The following THSD4 variants were observed in gnomAD, a reference collection of about 807,000 sequenced individuals.
THSD4 encodes the protein thrombospondin type-1 domain-containing protein 4.
In THSD4, 69 loss-of-function variants were observed where a neutral mutation model predicts 119.0. The observed-to-expected ratio is 0.58, with a 90% CI of 0.48 to 0.71. The LOEUF (loss-of-function observed/expected upper bound fraction) is 0.71. Ranked by LOEUF, THSD4 falls within the 30% of genes least tolerant of loss-of-function variation. The probability of loss-of-function intolerance (pLI) is 0.00; values close to 1 mark genes in which losing one functional copy is unlikely to be tolerated. For synonymous variants in THSD4, 524 were observed against 540.4 expected, an observed-to-expected ratio of 0.97 and a Z score of 0.42; for missense variants, 1,393 against 1,391.1, an observed-to-expected ratio of 1.00 and a Z score of -0.02.
chr15:71,260,899 G>A (rs570042999), intron 6 of THSD4, among the ~76,000 whole-genome samples: 2 of 152,270 alleles, frequency 1.3e-5, no homozygotes, highest in South Asian at 4.2e-4. Context: ...TCGGGAGTTC[G>A]AGACCAGCCT....
At chr15:71,584,105 T>C (rs539002290) in intron 7 of THSD4, among the ~76,000 whole-genome samples, 305 of 152,210 alleles carry the variant, frequency 2.0e-3, no homozygotes, top group Non-Finnish European at 3.2e-3. Context: ...ATAATTATTA[T>C]ATTCTCTTGA....
At chr15:71,322,443 A>G (rs575227305) in intron 6 of THSD4, among the ~76,000 whole-genome samples, 3 of 152,308 alleles carry the variant, frequency 2.0e-5, no homozygotes, top group African/African-American at 7.2e-5. Flanking sequence ...AATTTTGTCT[A>G]TTTGGCCTGA....
At chr15:71,642,497 A>T (rs1229148875) in intron 7 of THSD4, among the ~76,000 whole-genome samples, 3 of 152,148 alleles carry the variant, frequency 2.0e-5, no homozygotes, top group Admixed American at 1.3e-4. Flanking sequence ...AGACACATGC[A>T]CACGTATGTT....
At chr15:71,547,995 G>C (rs1371379963) in intron 7 of THSD4, among the ~76,000 whole-genome samples, 1 of 151,958 alleles carries the variant, frequency 6.6e-6, no homozygotes, top group Non-Finnish European at 1.5e-5. Context: ...ATATACAACA[G>C]GGCTAGGAGT....
intron 7 of THSD4, among the ~76,000 whole-genome samples, chr15:71,512,781 C>G (rs959177606): frequency 6.6e-6 from 1 of 151,994 alleles, no homozygotes; most frequent in Non-Finnish European, 1.5e-5. Context: ...AGTATCCCAG[C>G]AGGACAGAGC....
At chr15:71,737,671 T>A (rs1247427420) in intron 10 of THSD4, 61 bp from the exon 11 acceptor site, 1 of 1,509,710 alleles carries the variant, frequency 6.6e-7, no homozygotes, top group Non-Finnish European at 8.9e-7. Flanking sequence ...AGCAATTTCC[T>A]CTTTACAACT....
chr15:71,323,099 A>G (rs1035627040), intron 6 of THSD4, among the ~76,000 whole-genome samples: 5 of 147,848 alleles, frequency 3.4e-5, no homozygotes, highest in Non-Finnish European at 6.0e-5. Context: ...CCTGTCTTAA[A>G]AAAAAAAAAA....
intron 5 of THSD4, among the ~76,000 whole-genome samples, chr15:71,247,249 G>C (rs1411354359): frequency 1.3e-5 from 2 of 151,844 alleles, no homozygotes; most frequent in Non-Finnish European, 2.9e-5. Context: ...TTGAGACAGA[G>C]TCTCGCTCTG....
intron 8 of THSD4, among the ~76,000 whole-genome samples, chr15:71,702,794 C>G (rs888082862): frequency 5.9e-5 from 9 of 152,188 alleles, no homozygotes; most frequent in African/African-American, 2.2e-4. Context: ...AGAGGCCTTT[C>G]CTGACCACTG....
At chr15:71,425,106 A>G (rs956820811) in intron 7 of THSD4, among the ~76,000 whole-genome samples, 9 of 152,142 alleles carry the variant, frequency 5.9e-5, no homozygotes, top group Non-Finnish European at 1.3e-4. Context: ...TAGGGGAGGA[A>G]GGTGTTGAAG....
intron 3 of THSD4, among the ~76,000 whole-genome samples, chr15:71,193,730 C>T (rs990362971): frequency 1.8e-4 from 28 of 151,958 alleles, no homozygotes; most frequent in African/African-American, 5.3e-4. Flanking sequence ...TTTTTTGAGA[C>T]GGAGTCTCGC....
intron 14 of THSD4, among the ~76,000 whole-genome samples, chr15:71,749,295 A>G (rs2053399844): frequency 6.6e-6 from 1 of 152,264 alleles, no homozygotes; most frequent in Non-Finnish European, 1.5e-5. Context: ...AACAAATTGT[A>G]GAACATACCT....
chr15:71,296,603 G>A (rs1488411235), intron 6 of THSD4, among the ~76,000 whole-genome samples: 3 of 152,164 alleles, frequency 2.0e-5, no homozygotes, highest in Non-Finnish European at 1.5e-5. Context: ...ATAACTCTGC[G>A]CAGCACCTGT....
chr15:71,411,097 G>A (rs1244311846), intron 6 of THSD4, among the ~76,000 whole-genome samples: 1 of 152,104 alleles, frequency 6.6e-6, no homozygotes. Context: ...ATATATTTAG[G>A]TTGGTGCAAA....
chr15:71,334,448 G>A (rs1178651237), intron 6 of THSD4, among the ~76,000 whole-genome samples: 2 of 152,142 alleles, frequency 1.3e-5, no homozygotes, highest in Non-Finnish European at 2.9e-5. Flanking sequence ...TGAAGCCTTT[G>A]GTACATTTTC....
intron 7 of THSD4, among the ~76,000 whole-genome samples, chr15:71,551,488 A>G (rs1045885180): frequency 3.3e-5 from 5 of 152,256 alleles, no homozygotes; most frequent in Non-Finnish European, 5.9e-5. Context: ...GGGGTCTTCA[A>G]GATAACCCCT....
At chr15:71,459,346 G>C (rs28622608) in intron 7 of THSD4, among the ~76,000 whole-genome samples, 24,707 of 120,700 alleles carry the variant, frequency 0.2, 2,360 homozygotes, top group East Asian at 0.33. Flanking sequence ...CTGTCTCTCT[G>C]TCTCTCTCTC....
intron 7 of THSD4, among the ~76,000 whole-genome samples, chr15:71,453,786 T>C (rs538969308): frequency 2.0e-5 from 3 of 152,310 alleles, no homozygotes; most frequent in Admixed American, 1.3e-4. Flanking sequence ...ATTGTGATGG[T>C]CATTGCCTTC....
chr15:71,510,715 T>A (rs2048269914), intron 7 of THSD4, among the ~76,000 whole-genome samples: 1 of 152,246 alleles, frequency 6.6e-6, no homozygotes, highest in South Asian at 2.1e-4. Context: ...ACGGTCTCTC[T>A]ACAGACCTTA....
Sources: gnomAD v4.1 joint callset for allele counts (sites outside exome capture counted in the v4.1 genomes callset) on GRCh38, gnomAD v4.1.1 for gene constraint, MANE v1.5 for transcripts, NCBI Gene and HGNC (gene_info 2026-07-23, HGNC 2026-07-21) for gene names.